Variants in IL1RAPL1 observed in about 807,000 individuals in gnomAD.
IL1RAPL1 encodes interleukin-1 receptor accessory protein-like 1.
IL1RAPL1 carries 3 observed loss-of-function variants against 48.4 expected under a neutral mutation model. That is an observed-to-expected ratio of 0.06 (90% CI 0.03 to 0.16). The LOEUF (loss-of-function observed/expected upper bound fraction) is 0.16, where lower values mean the gene tolerates loss of function less well. Ranked by LOEUF, IL1RAPL1 falls within the 10% of genes least tolerant of loss-of-function variation. The probability of loss-of-function intolerance (pLI) is 1.00; values close to 1 mark genes in which losing one functional copy is unlikely to be tolerated. For missense variants in IL1RAPL1, 349 were observed against 530.6 expected, an observed-to-expected ratio of 0.66 and a Z score of 3.36; for synonymous variants, 185 against 187.7, an observed-to-expected ratio of 0.99 and a Z score of 0.12.
At chrX:28,638,609 A>G (rs1934494793) in intron 1 of IL1RAPL1, among the ~76,000 whole-genome samples, 1 of 109,502 alleles carries the variant, frequency 9.1e-6, no homozygotes, top group African/African-American at 3.3e-5. Context: ...ACTTAATTTT[A>G]TTTCAGACCT....
intron 3 of IL1RAPL1, among the ~76,000 whole-genome samples, chrX:29,380,118 T>C (rs1230855972): frequency 9.0e-6 from 1 of 111,085 alleles, no homozygotes; most frequent in Non-Finnish European, 1.9e-5. Flanking sequence ...ATTCTTTTTT[T>C]TTTTTTTCCT....
intron 2 of IL1RAPL1, among the ~76,000 whole-genome samples, chrX:29,178,656 A>G (rs762042657): frequency 4.6e-4 from 52 of 111,934 alleles, no homozygotes; most frequent in Admixed American, 2.0e-3. Flanking sequence ...TGTTTCAGTC[A>G]TGAAGTCCTT....
At chrX:29,905,358 C>CT (rs1308970338) in intron 6 of IL1RAPL1, among the ~76,000 whole-genome samples, 1 of 111,530 alleles carries the variant, frequency 9.0e-6, no homozygotes, top group African/African-American at 3.3e-5. Context: ...TGCAGAAGCT[C>CT]TTTAGTTTAA....
At chrX:29,768,662 AT>A (rs1224959899) in intron 6 of IL1RAPL1, among the ~76,000 whole-genome samples, 1 of 111,376 alleles carries the variant, frequency 9.0e-6, no homozygotes, top group African/African-American at 3.3e-5. Flanking sequence ...TACACTTTAG[AT>A]TTTTTTCCCA....
chrX:29,297,475 A>G (rs1932466289), intron 3 of IL1RAPL1, among the ~76,000 whole-genome samples: 1 of 112,521 alleles, frequency 8.9e-6, no homozygotes, highest in Admixed American at 9.4e-5. Context: ...AAATAGCCAC[A>G]TGTGGATCTT....
At chrX:29,879,595 G>A (rs1387081975) in intron 6 of IL1RAPL1, among the ~76,000 whole-genome samples, 4 of 109,439 alleles carry the variant, frequency 3.7e-5, no homozygotes, top group African/African-American at 9.9e-5. Context: ...CTCAAGAAAC[G>A]TTATCATCTG....
At chrX:29,103,170 A>G (rs1391807029) in intron 2 of IL1RAPL1, among the ~76,000 whole-genome samples, 2 of 112,200 alleles carry the variant, frequency 1.8e-5, no homozygotes, top group Non-Finnish European at 3.8e-5. Flanking sequence ...AGCCAAAGCT[A>G]TCCTGAGTGA....
At chrX:29,954,235 C>CCAA (rs1933371456) in intron 9 of IL1RAPL1, among the ~76,000 whole-genome samples, 1 of 30,422 alleles carries the variant, frequency 3.3e-5, no homozygotes, top group African/African-American at 1.5e-4. Flanking sequence ...GACTGTGTCC[C>CCAA]AAAAAAAAAA....
chrX:29,485,481 G>C (rs12862654), intron 5 of IL1RAPL1, among the ~76,000 whole-genome samples: 1,148 of 109,987 alleles, frequency 0.01, 12 homozygotes, highest in African/African-American at 0.036. Context: ...CTTCCTCCTA[G>C]GTAGCCTGAG....
intron 8 of IL1RAPL1, among the ~76,000 whole-genome samples, chrX:29,933,657 CAAAAAAAAAA>C (rs1217616087): frequency 5.9e-5 from 2 of 34,101 alleles, no homozygotes; most frequent in South Asian, 3.2e-3. Context: ...ACAAAATAGA[CAAAAAAAAAA>C]AAAAAAGAGA....
At chrX:29,431,023 T>C (rs1406574581) in intron 5 of IL1RAPL1, among the ~76,000 whole-genome samples, 1 of 111,534 alleles carries the variant, frequency 9.0e-6, no homozygotes, top group Non-Finnish European at 1.9e-5. Flanking sequence ...CTGTTTGCTG[T>C]TAATAACTTT....
At chrX:28,762,823 C>CACACACAG (rs1268556014) in intron 1 of IL1RAPL1, among the ~76,000 whole-genome samples, 924 of 36,554 alleles carry the variant, frequency 0.025, 14 homozygotes, top group East Asian at 0.11. Flanking sequence ...CACACACACA[C>CACACACAG]AGAGAGAGAG....
chrX:29,153,747 A>G (rs1929512520), intron 2 of IL1RAPL1, among the ~76,000 whole-genome samples: 1 of 112,292 alleles, frequency 8.9e-6, no homozygotes, highest in African/African-American at 3.2e-5. Flanking sequence ...GAAAATTACC[A>G]TTTAGCTTAT....
At chrX:29,120,281 T>C in intron 2 of IL1RAPL1, among the ~76,000 whole-genome samples, 1 of 112,274 alleles carries the variant, frequency 8.9e-6, no homozygotes, top group Admixed American at 9.5e-5. Flanking sequence ...GAGACTTACA[T>C]TTAAGTCTTT....
At chrX:29,120,184 T>G (rs753206256) in intron 2 of IL1RAPL1, among the ~76,000 whole-genome samples, 1 of 112,440 alleles carries the variant, frequency 8.9e-6, no homozygotes, top group African/African-American at 3.2e-5. Context: ...GTGTACTTGC[T>G]TTTCAGGACT....
intron 2 of IL1RAPL1, among the ~76,000 whole-genome samples, chrX:29,118,248 T>C (rs1928714296): frequency 8.9e-6 from 1 of 112,475 alleles, no homozygotes; most frequent in Non-Finnish European, 1.9e-5. Context: ...GCTACATTTA[T>C]TGATTGTTAA....
intron 1 of IL1RAPL1, among the ~76,000 whole-genome samples, chrX:28,727,031 C>T (rs1935685112): frequency 9.0e-6 from 1 of 111,227 alleles, no homozygotes; most frequent in South Asian, 3.8e-4. Context: ...CTTCATTTAC[C>T]CCAGTCTCTT....
intron 1 of IL1RAPL1, among the ~76,000 whole-genome samples, chrX:28,602,844 C>T (rs1327161097): frequency 2.7e-5 from 3 of 111,441 alleles, no homozygotes; most frequent in African/African-American, 9.8e-5. Context: ...AATAAAGCCT[C>T]ATCATGTGGC....
chrX:28,844,468 A>T (rs1037160128), intron 2 of IL1RAPL1, among the ~76,000 whole-genome samples: 1 of 109,491 alleles, frequency 9.1e-6, no homozygotes, highest in Non-Finnish European at 1.9e-5. Flanking sequence ...TACTCACCCC[A>T]TTCGACAGGT....
Sources: allele counts gnomAD v4.1 joint callset (sites outside exome capture counted in the v4.1 genomes callset), GRCh38; gene constraint gnomAD v4.1.1; transcripts MANE v1.5; gene names NCBI Gene and HGNC (gene_info 2026-07-23, HGNC 2026-07-21).